Variants in PRPF3 observed in about 807,000 individuals in gnomAD.
The protein encoded by PRPF3 is U4/U6 small nuclear ribonucleoprotein Prp3.
PRPF3 carries 3 observed loss-of-function variants against 89.2 expected under a neutral mutation model. The ratio of observed to expected loss-of-function variants is 0.03; its 90% CI spans 0.02 to 0.09. PRPF3 has a LOEUF of 0.09. Among genes scored for constraint, PRPF3 ranks in the 10% least tolerant of loss-of-function variants. The pLI, the probability that PRPF3 is intolerant of heterozygous loss-of-function variation, is 1.00. For missense variants in PRPF3, 463 were observed against 828.8 expected (o/e 0.56, Z 5.42); for synonymous variants, 270 against 289.1 (o/e 0.93, Z 0.67).
Position 150,353,039 on chromosome 1 carries a change from T to C in PRPF3, c.*60T>C, listed in dbSNP as rs1659101953. On this transcript the variant is annotated 3_prime_UTR_variant, in exon 16 of 16. Transcript: ENST00000324862. The stretch of plus-strand genomic sequence containing the variant: ...TTTGTCTCTTCAGTCCTCTCACTTA[T>C]TCTATTTCCCAACCCCCTCCCACTT... 3 of 1,605,436 alleles carry C rather than the reference T, an allele frequency of 1.9e-6. No homozygotes were observed. Among genetic ancestry groups the C allele is most frequent in the East Asian group, 4.5e-5 (2 of 44,806 alleles).
intron 8 of PRPF3, among the ~76,000 whole-genome samples, chr1:150,338,743 G>A (rs1553869035): frequency 6.6e-6 from 1 of 152,084 alleles, no homozygotes; most frequent in Non-Finnish European, 1.5e-5. Flanking sequence ...TCGAACTCCT[G>A]ACCTCAGGTG....
Position 150,344,442 on chromosome 1 carries a change from A to C in PRPF3, c.1535A>C (p.Glu512Ala). The change falls in exon 12 of 16, where the codon GAA (glutamate) becomes GCA (alanine). Residue 512 changes from glutamate to alanine, a missense_variant. Physicochemically the swap from Glu to Ala is moderately radical, Grantham distance 107 (BLOSUM62 -1). Around this residue, in one of 8 missense-constraint regions of PRPF3, gnomAD observed 261 missense variants for 475.8 expected, o/e 0.55. Transcript: ENST00000324862. The stretch of plus-strand genomic sequence containing the variant: ...CCTTCCTGTCACGACAGAGCGCATG[A>C]AGAGGCCAACGCTGCCCGAAAACTC... ...AQMAKRQKAH[E>A]EANAARKLTA... is the part of the protein sequence containing the mutation. 5 of 1,614,218 alleles carry C rather than the reference A, an allele frequency of 3.1e-6. No individual in the cohort carries two copies. The highest frequency in any genetic ancestry group is 4.2e-6 in the Non-Finnish European group (5 of 1,180,042).
chr1:150,347,961 ATACTC>A lies in PRPF3; in HGVS notation c.1844-1195_1844-1191del, dbSNP rs587681769. 2.4e-4 allele frequency among the ~76,000 whole-genome samples: 37 copies of A among 152,272 alleles called. No homozygotes were observed. The South Asian group carries it at 3.1e-3, about 13-fold the overall frequency. Reference sequence around the variant, plus strand: ...ACTAAATATTTATCACTTTCACACTATACTCAAGGCAAAAAATTGTAAGTCAAGGA... The same window carrying A: ...ACTAAATATTTATCACTTTCACACTAAAGGCAAAAAATTGTAAGTCAAGGA... On this transcript the variant is annotated intron_variant, in intron 14 of 15. Coordinates refer to ENST00000324862, the MANE Select transcript of PRPF3 (RefSeq NM_004698.4).
chr1:150,323,173 C>CTTTT (rs71083901), intron 1 of PRPF3, among the ~76,000 whole-genome samples: 3,405 of 48,210 alleles, frequency 0.071, 660 homozygotes, highest in African/African-American at 0.13. Flanking sequence ...CCGCACCTGG[C>CTTTT]TTTTTTTTTT....
intron 13 of PRPF3, 64 bp from the exon 14 acceptor site, chr1:150,346,344 C>T: frequency 6.7e-7 from 1 of 1,500,954 alleles, no homozygotes; most frequent in Non-Finnish European, 9.3e-7. Context: ...TGTCTGAGCT[C>T]AGAGGTTCTT....
intron 1 of PRPF3, among the ~76,000 whole-genome samples, chr1:150,323,614 G>A (rs763356995): frequency 1.4e-4 from 17 of 118,250 alleles, no homozygotes; most frequent in Non-Finnish European, 2.7e-4. Flanking sequence ...CAGCCTGGGC[G>A]ACGGAGTGAG....
chr1:150,337,503 A>G (rs587761855), intron 7 of PRPF3, among the ~76,000 whole-genome samples: 4 of 152,176 alleles, frequency 2.6e-5, no homozygotes, highest in African/African-American at 9.6e-5. Flanking sequence ...AGGTGTAAAG[A>G]GTTCAACGGG....
At chr1:150,339,356 A>G (rs1300406207) in intron 8 of PRPF3, among the ~76,000 whole-genome samples, 2 of 149,000 alleles carry the variant, frequency 1.3e-5, no homozygotes, top group Non-Finnish European at 3.0e-5. Flanking sequence ...TATCCTGGAC[A>G]ACAGGGTGAA....
chr1:150,343,898 A>G (rs1210033511), intron 10 of PRPF3, among the ~76,000 whole-genome samples: 8 of 152,206 alleles, frequency 5.3e-5, no homozygotes, highest in African/African-American at 1.7e-4. Context: ...TCAGTGTGAA[A>G]AATATGAAAG....
chr1:150,333,491 C>T (rs587755570), intron 6 of PRPF3, among the ~76,000 whole-genome samples: 1 of 152,286 alleles, frequency 6.6e-6, no homozygotes, highest in Non-Finnish European at 1.5e-5. Flanking sequence ...CGCTTGAACA[C>T]AGGAGGCAGA....
rs782388188 is a variant in PRPF3, at chr1:150,353,012, C to G, written c.*33C>G. On this transcript the variant is annotated 3_prime_UTR_variant, in exon 16 of 16. Coordinates refer to ENST00000324862, the MANE Select transcript of PRPF3 (RefSeq NM_004698.4). ...GCAAGCCCTTGCCTCTCCTCCCTTG[C>G]CTTTGTCTCTTCAGTCCTCTCACTT... 3.7e-6 allele frequency: 6 copies of G among 1,613,270 alleles called. No individual in the cohort carries two copies. The African/African-American group carries it at 6.7e-5, about 18-fold the overall frequency.
intron 9 of PRPF3, among the ~76,000 whole-genome samples, chr1:150,342,269 A>C (rs1374615794): frequency 6.6e-6 from 1 of 151,624 alleles, no homozygotes; most frequent in African/African-American, 2.4e-5. Flanking sequence ...AGTCCCAGCT[A>C]CTCAGGAGGC....
intron 3 of PRPF3, among the ~76,000 whole-genome samples, chr1:150,326,724 G>C (rs968208066): frequency 3.9e-5 from 6 of 151,906 alleles, no homozygotes; most frequent in Non-Finnish European, 7.4e-5. Context: ...TGTGTTTGGA[G>C]CATTGTAGGG....
At chr1:150,351,438 A>G (rs1335759721) in intron 15 of PRPF3, among the ~76,000 whole-genome samples, 2 of 152,156 alleles carry the variant, frequency 1.3e-5, no homozygotes, top group Non-Finnish European at 2.9e-5. Flanking sequence ...ATTAGATGAT[A>G]ATAACCATAG....
At chr1:150,351,026 G>T (rs1484414901) in intron 15 of PRPF3, among the ~76,000 whole-genome samples, 2 of 151,774 alleles carry the variant, frequency 1.3e-5, no homozygotes, top group African/African-American at 4.8e-5. Flanking sequence ...CAACACTTTG[G>T]GAGGCTGAGG....
chr1:150,325,114 T>G (rs782473116), intron 2 of PRPF3, 27 bp downstream of exon 2: 4 of 1,610,720 alleles, frequency 2.5e-6, no homozygotes, highest in East Asian at 4.5e-5. Flanking sequence ...ATCTTTTATC[T>G]TAACATATAG....
intron 14 of PRPF3, among the ~76,000 whole-genome samples, chr1:150,348,248 C>T (rs143310183): frequency 0.015 from 2,284 of 151,450 alleles, 63 homozygotes; most frequent in African/African-American, 0.05. Flanking sequence ...GGCGTGGCAG[C>T]GTGCGCCTGT....
chr1:150,347,269 CAT>C (rs1658371606), intron 14 of PRPF3, among the ~76,000 whole-genome samples: 1 of 151,390 alleles, frequency 6.6e-6, no homozygotes, highest in African/African-American at 2.4e-5. Flanking sequence ...CACACATACA[CAT>C]ACATACACAC....
intron 8 of PRPF3, among the ~76,000 whole-genome samples, chr1:150,340,074 T>C (rs1657527181): frequency 6.6e-6 from 1 of 152,182 alleles, no homozygotes; most frequent in Non-Finnish European, 1.5e-5. Context: ...TAGCCTTTCG[T>C]TGCCCCTTCT....
Sources: gnomAD v4.1 joint callset for allele counts (sites outside exome capture counted in the v4.1 genomes callset) on GRCh38, gnomAD v4.1.1 for gene constraint, gnomAD v4.1.1 regional missense constraint, MANE v1.5 for transcripts, NCBI Gene and HGNC (gene_info 2026-07-23, HGNC 2026-07-21) for gene names.